Variants in MACROD2 observed in about 807,000 individuals in gnomAD.
MACROD2 encodes mono-ADP ribosylhydrolase 2, also known as ADP-ribose glycohydrolase MACROD2.
MACROD2 carries 36 observed loss-of-function variants against 70.4 expected under a neutral mutation model. The ratio of observed to expected loss-of-function variants is 0.51; its 90% CI spans 0.39 to 0.68. The LOEUF is 0.68. Ranked by LOEUF, MACROD2 falls within the 30% of genes least tolerant of loss-of-function variation. The pLI is 0.00. For synonymous variants in MACROD2, 172 were observed against 178.8 expected, an observed-to-expected ratio of 0.96 and a Z score of 0.30; for missense variants, 496 against 538.4, an observed-to-expected ratio of 0.92 and a Z score of 0.78.
chr20:14,908,789 G>T (rs539064380), intron 5 of MACROD2, among the ~76,000 whole-genome samples: 24 of 152,310 alleles, frequency 1.6e-4, no homozygotes, highest in African/African-American at 5.5e-4. Flanking sequence ...AGAAATGAAG[G>T]TCTACGATAA....
intron 4 of MACROD2, among the ~76,000 whole-genome samples, chr20:14,653,965 C>A (rs910522143): frequency 2.0e-5 from 3 of 152,056 alleles, no homozygotes; most frequent in Non-Finnish European, 2.9e-5. Context: ...CTTTCCTGAC[C>A]GCATTTCTTT....
At chr20:14,440,568 A>G (rs6033963) in intron 3 of MACROD2, among the ~76,000 whole-genome samples, 5,504 of 152,286 alleles carry the variant, frequency 0.036, 331 homozygotes, top group African/African-American at 0.12. Context: ...GTACCTTTAC[A>G]TAATTCTAGG....
chr20:15,872,993 A>G (rs1179085963), intron 9 of MACROD2, among the ~76,000 whole-genome samples: 2 of 152,208 alleles, frequency 1.3e-5, no homozygotes, highest in Non-Finnish European at 2.9e-5. Context: ...AAACCATACT[A>G]TTGAACTTAG....
intron 4 of MACROD2, among the ~76,000 whole-genome samples, chr20:14,497,161 C>T (rs1336816987): frequency 6.6e-6 from 1 of 151,682 alleles, no homozygotes; most frequent in Non-Finnish European, 1.5e-5. Context: ...ACGGATGTTG[C>T]ATTCCTTGGC....
chr20:14,508,688 G>T (rs1345722068), intron 4 of MACROD2, among the ~76,000 whole-genome samples: 1 of 152,052 alleles, frequency 6.6e-6, no homozygotes, highest in Non-Finnish European at 1.5e-5. Context: ...TGTGAAGTTG[G>T]CATTTTATTA....
chr20:14,445,041 A>G (rs2084168339), intron 3 of MACROD2, among the ~76,000 whole-genome samples: 1 of 151,978 alleles, frequency 6.6e-6, no homozygotes, highest in Admixed American at 6.6e-5. Context: ...CACAGCAGCC[A>G]ATGTGGTCTT....
chr20:14,753,900 AT>A (rs1291263842), intron 5 of MACROD2, among the ~76,000 whole-genome samples: 3 of 152,084 alleles, frequency 2.0e-5, no homozygotes, highest in Non-Finnish European at 4.4e-5. Flanking sequence ...CCATGTCCAA[AT>A]TTTTGTTTCA....
intron 5 of MACROD2, among the ~76,000 whole-genome samples, chr20:14,913,485 A>G (rs2074053979): frequency 1.3e-5 from 2 of 152,082 alleles, no homozygotes; most frequent in African/African-American, 4.8e-5. Flanking sequence ...CCAGGAGTTC[A>G]AGACCAGCCT....
chr20:15,033,003 C>T (rs577623940), intron 5 of MACROD2, among the ~76,000 whole-genome samples: 44 of 152,222 alleles, frequency 2.9e-4, no homozygotes, highest in Non-Finnish European at 5.4e-4. Flanking sequence ...TCCACTTATA[C>T]GAGGTAACCA....
chr20:14,878,979 AC>A (rs2073581247), intron 5 of MACROD2, among the ~76,000 whole-genome samples: 1 of 151,978 alleles, frequency 6.6e-6, no homozygotes, highest in African/African-American at 2.4e-5. Context: ...CTTTCTAATT[AC>A]TTCCTGCATG....
At chr20:15,849,472 G>A (rs1349192373) in intron 8 of MACROD2, among the ~76,000 whole-genome samples, 1 of 152,152 alleles carries the variant, frequency 6.6e-6, no homozygotes, top group Non-Finnish European at 1.5e-5. Flanking sequence ...AGTGGGCCCC[G>A]TTCCTTCGAG....
chr20:15,140,157 A>T (rs561044058), intron 5 of MACROD2, among the ~76,000 whole-genome samples: 1 of 152,268 alleles, frequency 6.6e-6, no homozygotes, highest in South Asian at 2.1e-4. Context: ...ACATAGAGAG[A>T]TCATACATCC....
intron 4 of MACROD2, among the ~76,000 whole-genome samples, chr20:14,574,533 C>A (rs570659244): frequency 6.6e-6 from 1 of 152,198 alleles, no homozygotes; most frequent in Admixed American, 6.5e-5. Flanking sequence ...TTTTCTGATG[C>A]TCTTTTCACT....
intron 8 of MACROD2, among the ~76,000 whole-genome samples, chr20:15,779,981 T>G (rs1345589386): frequency 6.6e-6 from 1 of 152,128 alleles, no homozygotes; most frequent in Non-Finnish European, 1.5e-5. Flanking sequence ...AGAGCATGGT[T>G]AGCACATTTA....
intron 12 of MACROD2, among the ~76,000 whole-genome samples, chr20:15,951,306 GACACACACACACACACACACAC>G (rs58032991): frequency 7.4e-6 from 1 of 135,534 alleles, no homozygotes. Flanking sequence ...TATTTATCTA[GACACACACACACACACACACAC>G]ACACACACAC....
rs371186945 is a variant in MACROD2, at chr20:15,380,873, A to G, written c.541-50532A>G. 9.2e-5 allele frequency among the ~76,000 whole-genome samples: 14 copies of G among 152,318 alleles called. 1 individual carries two copies. The South Asian group carries it at 2.9e-3, about 32-fold the overall frequency. ...ATCAAAGAAATATTCTAGTATTCTA[A>G]AGCTAGCTAATATAATAAAAACTCA... On this transcript the variant is annotated intron_variant, in intron 6 of 17. Transcript: ENST00000684519.
intron 3 of MACROD2, among the ~76,000 whole-genome samples, chr20:14,388,548 C>G (rs568635129): frequency 6.6e-6 from 1 of 152,086 alleles, no homozygotes; most frequent in Non-Finnish European, 1.5e-5. Context: ...TAAAGTGAAA[C>G]AAAATATCAC....
intron 3 of MACROD2, among the ~76,000 whole-genome samples, chr20:14,356,794 C>T (rs918782750): frequency 6.6e-5 from 10 of 152,224 alleles, no homozygotes; most frequent in African/African-American, 1.2e-4. Flanking sequence ...CGTGAGCCAC[C>T]GTGCCTGGCC....
chr20:14,382,395 G>T (rs532818743), intron 3 of MACROD2, among the ~76,000 whole-genome samples: 1 of 151,688 alleles, frequency 6.6e-6, no homozygotes. Context: ...TGGGCCAGGC[G>T]TGGTGGCTCA....
Sources: gnomAD v4.1 joint callset for allele counts (sites outside exome capture counted in the v4.1 genomes callset) on GRCh38, gnomAD v4.1.1 for gene constraint, MANE v1.5 for transcripts, NCBI Gene and HGNC (gene_info 2026-07-23, HGNC 2026-07-21) for gene names.